The following ZYG11A variants were observed in gnomAD, a reference collection of about 807,000 sequenced individuals.
ZYG11A encodes zyg-11 family member A, cell cycle regulator.
Under a neutral mutation model 77.2 loss-of-function variants are expected in ZYG11A, and 62 were observed. The ratio of observed to expected loss-of-function variants is 0.80; its 90% confidence interval spans 0.65 to 0.99. The LOEUF is 0.99. Among genes scored for constraint, ZYG11A ranks in the 50% least tolerant of loss-of-function variants. The pLI is 0.00. For synonymous variants in ZYG11A, 315 were observed against 324.6 expected (o/e 0.97, Z 0.32); for missense variants, 828 against 896.8 (o/e 0.92, Z 0.98).
chr1:52,875,642 TGAGGG>T (rs1343101574), intron 8 of ZYG11A, among the ~76,000 whole-genome samples: 19 of 141,210 alleles, frequency 1.3e-4, no homozygotes, highest in African/African-American at 4.8e-4. Flanking sequence ...TGAAATCAAA[TGAGGG>T]GAGTGAGAAG....
At chr1:52,864,967 T>C (rs1645998417) in intron 5 of ZYG11A, among the ~76,000 whole-genome samples, 1 of 151,914 alleles carries the variant, frequency 6.6e-6, no homozygotes, top group African/African-American at 2.4e-5. Flanking sequence ...CATTTTTATT[T>C]TTATTATTTT....
intron 10 of ZYG11A, among the ~76,000 whole-genome samples, chr1:52,879,007 G>A (rs796784351): frequency 1.3e-4 from 19 of 148,816 alleles, no homozygotes; most frequent in Middle Eastern, 3.5e-3. Context: ...AGTCAGTCTG[G>A]CTCCAGACCC....
intron 10 of ZYG11A, among the ~76,000 whole-genome samples, chr1:52,879,388 C>T (rs906702442): frequency 6.6e-6 from 1 of 152,110 alleles, no homozygotes; most frequent in East Asian, 1.9e-4. Context: ...GTCCTGAACT[C>T]GTTGAAAACA....
Position 52,864,087 on chromosome 1 carries a change from C to T in ZYG11A, c.1256C>T (p.Pro419Leu), listed in dbSNP as rs888554932. ...CGCCAGGGCCTGGCCAAGGGGATGC[C>T]TGTTCGCCTGTTGTCAGAGGTCACC... ...LTRQGLAKGM[P>L]VRLLSEVTCL... is the part of the protein sequence containing the mutation. The change falls in exon 5 of 14, where the codon CCT becomes CTT. Residue 419 changes from proline (P) to leucine (L), a missense_variant. Transcript: ENST00000371528. 2 of 1,551,838 alleles carry T rather than the reference C, an allele frequency of 1.3e-6. No individual in the cohort carries two copies. Among genetic ancestry groups the T allele is most frequent in the African/African-American group, 1.4e-5 (1 of 73,062 alleles).
At chr1:52,867,958 CTTTTTTTTTTTTTTT>C (rs1050261180) in intron 8 of ZYG11A, among the ~76,000 whole-genome samples, 181 bp downstream of exon 8, 4 of 98,164 alleles carry the variant, frequency 4.1e-5, no homozygotes, top group African/African-American at 2.0e-4. Flanking sequence ...CTCCACATTT[CTTTTTTTTTTTTTTT>C]TTTTTTTTTT....
At chr1:52,858,937 CTCTT>C (rs1245143764) in intron 3 of ZYG11A, among the ~76,000 whole-genome samples, 2 of 152,086 alleles carry the variant, frequency 1.3e-5, no homozygotes, top group African/African-American at 4.8e-5. Flanking sequence ...TTTAAAGTAA[CTCTT>C]TCTTTATAAT....
At chr1:52,879,543 T>C (rs1297681768) in intron 10 of ZYG11A, among the ~76,000 whole-genome samples, 2 of 152,004 alleles carry the variant, frequency 1.3e-5, no homozygotes, top group African/African-American at 4.8e-5. Flanking sequence ...GACAAAGTCA[T>C]TTTTGGCTAG....
intron 1 of ZYG11A, among the ~76,000 whole-genome samples, chr1:52,851,500 C>T (rs13373913): frequency 0.013 from 1,956 of 152,060 alleles, 26 homozygotes; most frequent in African/African-American, 0.03. Context: ...CGGGTACAAG[C>T]GTTTCTCCTG....
intron 8 of ZYG11A, among the ~76,000 whole-genome samples, chr1:52,868,346 A>G (rs890474792): frequency 4.6e-5 from 7 of 152,198 alleles, no homozygotes; most frequent in Non-Finnish European, 8.8e-5. Context: ...TTGCTGCTAC[A>G]GTAGATAAGA....
At chr1:52,853,011 A>G (rs1432028588) in intron 1 of ZYG11A, among the ~76,000 whole-genome samples, 1 of 152,232 alleles carries the variant, frequency 6.6e-6, no homozygotes, top group Non-Finnish European at 1.5e-5. Context: ...CTAAAAGTTA[A>G]TTGCTGGATT....
chr1:52,861,098 T>C (rs1645918944), intron 4 of ZYG11A, among the ~76,000 whole-genome samples: 1 of 152,102 alleles, frequency 6.6e-6, no homozygotes, highest in African/African-American at 2.4e-5. Flanking sequence ...TTGGTCTAAG[T>C]AAGGGAATAA....
At chr1:52,859,772 G>A (rs578161901) in intron 3 of ZYG11A, among the ~76,000 whole-genome samples, 5 of 147,054 alleles carry the variant, frequency 3.4e-5, no homozygotes, top group South Asian at 4.4e-4. Flanking sequence ...CTGCCTCCCG[G>A]GTTCAAGTGA....
At chr1:52,843,693 T>C (rs968344631) in intron 1 of ZYG11A, among the ~76,000 whole-genome samples, 7 of 147,738 alleles carry the variant, frequency 4.7e-5, no homozygotes, top group African/African-American at 1.5e-4. Context: ...TCTTTCTTTT[T>C]TTTTTTTTTT....
chr1:52,869,898 C>G (rs1361090763), intron 8 of ZYG11A, among the ~76,000 whole-genome samples: 2 of 84,040 alleles, frequency 2.4e-5, no homozygotes, highest in East Asian at 4.2e-4. Flanking sequence ...GGCGGCTGGC[C>G]GGGCAGGGGG....
Position 52,892,911 on chromosome 1 carries a change from A to C in ZYG11A, c.2234A>C (p.His745Pro). The change falls in exon 14 of 14, where the codon CAT becomes CCT. Residue 745 changes from histidine to proline, a missense_variant. Physicochemically the swap from His to Pro is moderately conservative, Grantham distance 77. Transcript: ENST00000371528. ...AASILDDFRM[H>P]FMNYQRPTLC... The stretch of plus-strand genomic sequence containing the variant: ...TCCATTCTGGATGACTTCAGAATGC[A>C]TTTCATGAATTATCAGAGGCCCACT... 1 of 1,551,876 alleles carries C rather than the reference A, an allele frequency of 6.4e-7. No individual in the cohort carries two copies. Among genetic ancestry groups the C allele is most frequent in the Admixed American group, 2.0e-5 (1 of 51,004 alleles).
intron 13 of ZYG11A, among the ~76,000 whole-genome samples, chr1:52,889,993 G>A (rs1418718456): frequency 3.3e-5 from 5 of 150,218 alleles, no homozygotes; most frequent in African/African-American, 9.8e-5. Context: ...GATTACAGGC[G>A]TGAGCCACGG....
At position 52,881,701 on chromosome 1, in the gene ZYG11A, G is replaced by T. The variant is rs772781097; in HGVS notation, c.1944+36G>T. ...CACATTCTTATTTATAAAATCCAGAGTAATCTCTAATTACAGAAAATGTAG... is the reference window on the plus strand; with the variant it reads ...CACATTCTTATTTATAAAATCCAGATTAATCTCTAATTACAGAAAATGTAG... On this transcript the variant is annotated intron_variant, in intron 11 of 13. Transcript: ENST00000371528. 153 of 1,437,742 alleles carry T rather than the reference G, an allele frequency of 1.1e-4. 1 individual carries two copies. The Middle Eastern group carries it at 2.7e-3, about 25-fold the overall frequency. The allele number at this position is 1,437,742 out of a possible 1,614,324, so 89.1% of individuals were successfully genotyped here.
chr1:52,860,773 A>G lies in ZYG11A; in HGVS notation c.1051A>G (p.Ser351Gly), dbSNP rs1190600529. ...TATGAGTCAGATTTCAGAAGCACTG[A>G]GCCGATACAGGAACAGATCATGTTT... ...ASMSQISEAL[S>G]RYRNRSCFVK... The change falls in exon 4 of 14, where the codon AGC (serine) becomes GGC (glycine). Residue 351 changes from serine to glycine, a missense_variant. By Grantham distance (56) the Ser-to-Gly change is moderately conservative. Coordinates refer to ENST00000371528, the MANE Select transcript of ZYG11A (RefSeq NM_001004339.3). 2.6e-5 allele frequency: 40 copies of G among 1,551,604 alleles called. No homozygotes were observed. Among genetic ancestry groups the G allele is most frequent in the Non-Finnish European group, 3.5e-5 (40 of 1,146,998 alleles).
At chr1:52,867,958 CTTTTTTTTT>C (rs1050261180) in intron 8 of ZYG11A, among the ~76,000 whole-genome samples, 181 bp downstream of exon 8, 3 of 98,178 alleles carry the variant, frequency 3.1e-5, no homozygotes, top group African/African-American at 1.5e-4. Flanking sequence ...CTCCACATTT[CTTTTTTTTT>C]TTTTTTTTTT....
Sources: gnomAD v4.1 joint callset for allele counts (sites outside exome capture counted in the v4.1 genomes callset) on GRCh38, gnomAD v4.1.1 for gene constraint, MANE v1.5 for transcripts, NCBI Gene and HGNC (gene_info 2026-07-23, HGNC 2026-07-21) for gene names.